The following MYT1L variants were observed in gnomAD, a reference collection of about 807,000 sequenced individuals.
MYT1L encodes myelin transcription factor 1 like, also known as myelin transcription factor 1-like protein.
A neutral mutation model predicts 126.7 loss-of-function variants in MYT1L; 12 were observed. That is an observed-to-expected ratio of 0.09 (90% CI 0.06 to 0.15). The LOEUF (loss-of-function observed/expected upper bound fraction) is 0.15, where lower values mean the gene tolerates loss of function less well. Ranked by LOEUF, MYT1L falls within the 10% of genes least tolerant of loss-of-function variation. The pLI is 1.00. For synonymous variants in MYT1L, 541 were observed against 604.2 expected (o/e 0.90, Z 1.53); for missense variants, 979 against 1,585.2 (o/e 0.62, Z 6.49).
chr2:2,176,877 C>G (rs940249139), intron 2 of MYT1L, among the ~76,000 whole-genome samples: 1 of 152,146 alleles, frequency 6.6e-6, no homozygotes, highest in Admixed American at 6.6e-5. Context: ...AAAAGGACAC[C>G]AGCAAATGCA....
At chr2:2,022,825 T>A (rs2065168625) in intron 4 of MYT1L, among the ~76,000 whole-genome samples, 1 of 152,156 alleles carries the variant, frequency 6.6e-6, no homozygotes, top group South Asian at 2.1e-4. Context: ...CTCAGGCACA[T>A]GTGATGGAAG....
intron 3 of MYT1L, among the ~76,000 whole-genome samples, chr2:2,054,711 T>G: frequency 7.1e-6 from 1 of 141,278 alleles, no homozygotes; most frequent in Non-Finnish European, 1.5e-5. Context: ...ATGGATATGA[T>G]GAGATGTATG....
intron 2 of MYT1L, among the ~76,000 whole-genome samples, chr2:2,220,776 A>C (rs960017229): frequency 2.6e-5 from 4 of 152,076 alleles, no homozygotes; most frequent in Non-Finnish European, 5.9e-5. Flanking sequence ...TGGTTAAATA[A>C]AATCCATCTG....
At chr2:2,142,120 C>A in intron 3 of MYT1L, among the ~76,000 whole-genome samples, 1 of 152,126 alleles carries the variant, frequency 6.6e-6, no homozygotes, top group East Asian at 1.9e-4. Context: ...TCATATGACA[C>A]AAAATTACAC....
chr2:2,022,350 G>C (rs1421380633), intron 4 of MYT1L, among the ~76,000 whole-genome samples: 2 of 152,154 alleles, frequency 1.3e-5, no homozygotes, highest in Non-Finnish European at 2.9e-5. Flanking sequence ...CTCTGTGCTG[G>C]TTAACATCTT....
chr2:2,130,263 A>G (rs2082204364), intron 3 of MYT1L, among the ~76,000 whole-genome samples: 1 of 151,978 alleles, frequency 6.6e-6, no homozygotes, highest in African/African-American at 2.4e-5. Context: ...ATGCATATTA[A>G]TATAACAGAA....
chr2:2,204,506 A>G lies in MYT1L; in HGVS notation c.-420-31518T>C, dbSNP rs2093228906. Among the ~76,000 whole-genome samples the G allele has an allele frequency of 1.4e-5, 2 of 147,248 alleles. 1 individual carries two copies. The highest frequency in any genetic ancestry group is 3.0e-5 in the Non-Finnish European group (2 of 67,004). Reference sequence around the variant, plus strand: ...CATTTATGCAGCCAAAAAACACATGAAAAAATGCTCACCATCACTGGCCAT... The same window carrying G: ...CATTTATGCAGCCAAAAAACACATGGAAAAATGCTCACCATCACTGGCCAT... On this transcript the variant is annotated intron_variant, in intron 2 of 24. Coordinates refer to ENST00000647738, the MANE Select transcript of MYT1L (RefSeq NM_001303052.2).
chr2:1,979,905 C>T lies in MYT1L; in HGVS notation c.1-128G>A, dbSNP rs1339767994. 2.2e-6 allele frequency: 2 copies of T among 930,128 alleles called. No homozygotes were observed. Among genetic ancestry groups the T allele is most frequent in the East Asian group, 2.6e-5 (1 of 38,636 alleles). 57.6% of individuals were successfully genotyped at this position (930,128 alleles called of 1,614,324 possible). On this transcript the variant is annotated intron_variant, in intron 5 of 24. Transcript: ENST00000647738. This position sits in a 1 kb window ranked among gnomAD's most constrained non-coding sequence, Gnocchi z 4.0. ...TCCTGTTTCCCTCCATGAAGGGAAG[C>T]CCTCTACAAGGGCAGGGGGTAAGAC... is the stretch of plus-strand genomic sequence containing the variant.
intron 8 of MYT1L, among the ~76,000 whole-genome samples, chr2:1,956,223 A>ATCTATCTATCTG (rs1202810533): frequency 1.5e-5 from 2 of 132,506 alleles, no homozygotes; most frequent in African/African-American, 4.1e-5. Context: ...CTATCTATCT[A>ATCTATCTATCTG]TCTGTCTATC....
chr2:1,884,531 A>G (rs2047942788), intron 18 of MYT1L, among the ~76,000 whole-genome samples: 2 of 152,258 alleles, frequency 1.3e-5, no homozygotes, highest in South Asian at 4.1e-4. Context: ...ATGTGGTTAT[A>G]CCATGAAGCA....
At chr2:2,246,596 G>A (rs11677124) in intron 2 of MYT1L, among the ~76,000 whole-genome samples, 1,866 of 152,266 alleles carry the variant, frequency 0.012, 43 homozygotes, top group African/African-American at 0.043. Context: ...AAGCAACAGA[G>A]GCTTATTGAG....
intron 13 of MYT1L, among the ~76,000 whole-genome samples, chr2:1,909,554 G>A (rs545336564): frequency 1.3e-5 from 2 of 151,952 alleles, no homozygotes; most frequent in East Asian, 3.9e-4. Flanking sequence ...AATGAAAGCT[G>A]TATAGAAGGG....
At chr2:1,851,101 A>AT (rs1378912462) in intron 19 of MYT1L, among the ~76,000 whole-genome samples, 1 of 152,140 alleles carries the variant, frequency 6.6e-6, no homozygotes, top group African/African-American at 2.4e-5. Flanking sequence ...GTGGTATAGA[A>AT]TTTTTGTTAT....
At chr2:2,169,454 G>A (rs2089672533) in intron 3 of MYT1L, among the ~76,000 whole-genome samples, 2 of 152,116 alleles carry the variant, frequency 1.3e-5, no homozygotes, top group African/African-American at 4.8e-5. Context: ...AGATTCACAT[G>A]CCAAATAAGA....
chr2:2,256,677 G>A (rs557125625), intron 2 of MYT1L, among the ~76,000 whole-genome samples: 8 of 152,318 alleles, frequency 5.3e-5, no homozygotes, highest in African/African-American at 1.4e-4. Flanking sequence ...TTTGGGAATC[G>A]TGTGACAGTA....
intron 3 of MYT1L, among the ~76,000 whole-genome samples, chr2:2,117,979 T>C (rs1366171968): frequency 1.3e-5 from 2 of 151,896 alleles, no homozygotes; most frequent in Non-Finnish European, 2.9e-5. Flanking sequence ...AATATTATAT[T>C]ATATATGTAC....
chr2:2,252,486 C>A (rs920117426), intron 2 of MYT1L, among the ~76,000 whole-genome samples: 15 of 152,238 alleles, frequency 9.9e-5, no homozygotes, highest in African/African-American at 3.6e-4. Context: ...CCAGGAGGGA[C>A]TCAGGGATGG....
chr2:1,797,711 C>T (rs1041922416), intron 23 of MYT1L, among the ~76,000 whole-genome samples: 1 of 152,246 alleles, frequency 6.6e-6, no homozygotes, highest in Non-Finnish European at 1.5e-5. Flanking sequence ...AATAAAATTG[C>T]GTTTGTCCTA....
intron 2 of MYT1L, among the ~76,000 whole-genome samples, chr2:2,253,073 A>C (rs533711237): frequency 1.3e-5 from 2 of 152,134 alleles, no homozygotes; most frequent in African/African-American, 4.8e-5. Flanking sequence ...TCAATCAAAG[A>C]GAAGAACATA....
Sources: gnomAD v4.1 joint callset for allele counts (sites outside exome capture counted in the v4.1 genomes callset) on GRCh38, gnomAD v4.1.1 for gene constraint, Gnocchi (gnomAD v3.1) non-coding constraint, MANE v1.5 for transcripts, NCBI Gene and HGNC (gene_info 2026-07-23, HGNC 2026-07-21) for gene names.